FMN2: variants seen among roughly 807,000 people sequenced by gnomAD.
FMN2 encodes formin 2.
In FMN2, 51 loss-of-function variants were observed where a neutral mutation model predicts 142.3. The observed-to-expected ratio is 0.36, with a 90% CI of 0.29 to 0.45. The LOEUF (loss-of-function observed/expected upper bound fraction) is 0.45. FMN2 is among the 20% of genes least tolerant of loss of function. FMN2 has a pLI of 1.00. For synonymous variants in FMN2, 882 were observed against 869.8 expected (o/e 1.01, Z -0.25); for missense variants, 1,936 against 2,122.8 (o/e 0.91, Z 1.73).
intron 6 of FMN2, among the ~76,000 whole-genome samples, chr1:240,250,172 T>C (rs1668231613): frequency 6.6e-6 from 1 of 152,148 alleles, no homozygotes; most frequent in Non-Finnish European, 1.5e-5. Flanking sequence ...TTGTTCCAAT[T>C]ATTAGAGGAA....
intron 13 of FMN2, among the ~76,000 whole-genome samples, chr1:240,338,234 C>T (rs910472109): frequency 2.0e-5 from 3 of 152,114 alleles, no homozygotes; most frequent in Non-Finnish European, 4.4e-5. Flanking sequence ...ATCAACTATA[C>T]CTTCAAGTTG....
Position 240,329,137 on chromosome 1 carries a change from A to T in FMN2, c.4277A>T (p.Glu1426Val). 1 of 1,614,132 alleles carries T rather than the reference A, an allele frequency of 6.2e-7. No individual in the cohort carries two copies. The highest frequency in any genetic ancestry group is 8.5e-7 in the Non-Finnish European group (1 of 1,179,994). The change falls in exon 9 of 18, where the codon GAA (glutamate) becomes GTA (valine). Residue 1426 changes from glutamate to valine, a missense_variant. By Grantham distance (121) the Glu-to-Val change is moderately radical. Around this residue, in one of 8 missense-constraint regions of FMN2, gnomAD observed 322 missense variants for 401.6 expected, o/e 0.80. Transcript: ENST00000319653. ...EKHGRSSKDK[E>V]NAKSLDKPEQ... The stretch of plus-strand genomic sequence containing the variant: ...CATGGCCGATCTTCCAAAGACAAGG[A>T]AAATGCCAAGTCTCTGGACAAACCT...
At chr1:240,236,349 C>T (rs562395423) in intron 6 of FMN2, among the ~76,000 whole-genome samples, 1 of 152,164 alleles carries the variant, frequency 6.6e-6, no homozygotes, top group African/African-American at 2.4e-5. Flanking sequence ...ATACTTCAGG[C>T]CCCTAATACA....
intron 7 of FMN2, among the ~76,000 whole-genome samples, chr1:240,261,363 T>G (rs1668623167): frequency 6.6e-6 from 1 of 151,802 alleles, no homozygotes. Flanking sequence ...TTTTTTTTTT[T>G]CATTCAGACA....
chr1:240,288,257 T>C (rs748661822), intron 7 of FMN2, among the ~76,000 whole-genome samples: 1 of 152,158 alleles, frequency 6.6e-6, no homozygotes, highest in African/African-American at 2.4e-5. Context: ...CGTCTCTGTA[T>C]ATCTACAGAA....
rs554022970 is a variant in FMN2, at chr1:240,420,951, T to C, written c.4911-17110T>C. Among the ~76,000 whole-genome samples, 228 of 152,300 alleles carry C rather than the reference T, an allele frequency of 1.5e-3. 3 individuals carry two copies. The highest frequency in any genetic ancestry group is 5.2e-3 in the African/African-American group (218 of 41,568). ...AAGCTGGGACAGCTGTTAGACCTGA[T>C]GCAGGTCCAACCTCCATGGAGGAGA... is the stretch of plus-strand genomic sequence containing the variant. On this transcript the variant is annotated intron_variant, in intron 15 of 17. Coordinates refer to ENST00000319653, the MANE Select transcript of FMN2 (RefSeq NM_020066.5).
At position 240,473,431 on chromosome 1, in the gene FMN2, G is replaced by A. The variant is rs1042413001; in HGVS notation, c.5143-697G>A. On this transcript the variant is annotated intron_variant, in intron 17 of 17. Transcript: ENST00000319653. The surrounding 1 kb of genome is among the most constrained non-coding windows in gnomAD (Gnocchi z 4.3). ...ATTATCACTTGGTACCACAGTGTAA[G>A]TAAATGTTTTAAATGAAAAGTTGAG... 9.2e-5 allele frequency among the ~76,000 whole-genome samples: 14 copies of A among 152,164 alleles called. No homozygotes were observed. The highest frequency in any genetic ancestry group is 1.6e-4 in the Non-Finnish European group (11 of 68,034).
At chr1:240,346,412 T>C (rs1000701273) in intron 13 of FMN2, among the ~76,000 whole-genome samples, 1 of 152,132 alleles carries the variant, frequency 6.6e-6, no homozygotes, top group Non-Finnish European at 1.5e-5. Context: ...GGTAATATTT[T>C]CCGACTGTGC....
At chr1:240,194,406 A>G (rs1369104315) in intron 4 of FMN2, among the ~76,000 whole-genome samples, 1 of 152,206 alleles carries the variant, frequency 6.6e-6, no homozygotes, top group African/African-American at 2.4e-5. Flanking sequence ...AGTGGCAACT[A>G]TTGCGCTAGG....
At chr1:240,283,540 T>C (rs1235984873) in intron 7 of FMN2, among the ~76,000 whole-genome samples, 1 of 152,188 alleles carries the variant, frequency 6.6e-6, no homozygotes, top group Non-Finnish European at 1.5e-5. Context: ...GCAATGACTT[T>C]TGTTTTTCAC....
At chr1:240,439,660 T>C (rs1675539365) in intron 16 of FMN2, among the ~76,000 whole-genome samples, 1 of 152,186 alleles carries the variant, frequency 6.6e-6, no homozygotes, top group South Asian at 2.1e-4. Flanking sequence ...ATCAGTAACG[T>C]AAAATATGAG....
chr1:240,257,853 A>T, intron 6 of FMN2, 92 bp from the exon 7 acceptor site: 1 of 1,045,964 alleles, frequency 9.6e-7, no homozygotes, highest in Non-Finnish European at 1.5e-6. Context: ...CTTTTCTCTG[A>T]ATTTGTTCTT....
Position 240,211,072 on chromosome 1 carries a change from T to C in FMN2, c.3921-19T>C. 1.9e-6 allele frequency: 3 copies of C among 1,592,460 alleles called. No individual in the cohort carries two copies. The highest frequency in any genetic ancestry group is 2.6e-6 in the Non-Finnish European group (3 of 1,172,956). ...GTTCAGTTTGATGGCTGTTTTATTG[T>C]TCTTTTGCTTAATTTTAGAGACTCC... On this transcript the variant is annotated intron_variant, in intron 5 of 17. Transcript: ENST00000319653.
intron 6 of FMN2, among the ~76,000 whole-genome samples, chr1:240,212,065 T>A (rs1211117091): frequency 6.6e-6 from 1 of 152,068 alleles, no homozygotes; most frequent in Non-Finnish European, 1.5e-5. Flanking sequence ...GGCAAGCAGC[T>A]CAGTCTTGGG....
intron 6 of FMN2, among the ~76,000 whole-genome samples, chr1:240,231,584 AG>A: frequency 6.6e-6 from 1 of 152,320 alleles, no homozygotes; most frequent in South Asian, 2.1e-4. Context: ...TAGAAATTTG[AG>A]GGCCTGAGGT....
intron 16 of FMN2, among the ~76,000 whole-genome samples, chr1:240,455,368 G>A (rs959588037): frequency 2.0e-5 from 3 of 152,056 alleles, no homozygotes; most frequent in African/African-American, 7.2e-5. Flanking sequence ...AAAATAAAAA[G>A]TTAGCTGGGT....
At chr1:240,416,759 C>T (rs1674590529) in intron 15 of FMN2, among the ~76,000 whole-genome samples, 1 of 148,442 alleles carries the variant, frequency 6.7e-6, no homozygotes, top group African/African-American at 2.5e-5. Context: ...TCTCTCTCTT[C>T]TTTTTTTTTT....
chr1:240,276,412 AG>A (rs905167494), intron 7 of FMN2, among the ~76,000 whole-genome samples: 1 of 152,130 alleles, frequency 6.6e-6, no homozygotes, highest in Non-Finnish European at 1.5e-5. Context: ...GAAGAGTGTG[AG>A]GGACAATATA....
At chr1:240,126,415 T>C (rs1179224823) in intron 2 of FMN2, among the ~76,000 whole-genome samples, 2 of 141,344 alleles carry the variant, frequency 1.4e-5, no homozygotes, top group African/African-American at 5.4e-5. Context: ...CCCCACCTCC[T>C]TATCCTCTCC....
Sources: allele counts gnomAD v4.1 joint callset (sites outside exome capture counted in the v4.1 genomes callset), GRCh38; gene constraint gnomAD v4.1.1; regional missense constraint gnomAD v4.1.1; non-coding constraint Gnocchi (gnomAD v3.1); transcripts MANE v1.5; gene names NCBI Gene and HGNC (gene_info 2026-07-23, HGNC 2026-07-21).